KBTBD12: variants seen among roughly 807,000 people sequenced by gnomAD.
KBTBD12 encodes kelch repeat and BTB domain containing 12.
In KBTBD12, 53 loss-of-function variants were observed where a neutral mutation model predicts 58.7. The ratio of observed to expected loss-of-function variants is 0.90; its 90% CI spans 0.72 to 1.14. The LOEUF (loss-of-function observed/expected upper bound fraction) is 1.14. KBTBD12 is among the 50% of genes most tolerant of loss of function. KBTBD12 has a pLI of 0.00. For synonymous variants in KBTBD12, 236 were observed against 259.8 expected (o/e 0.91, Z 0.88); for missense variants, 704 against 751.3 (o/e 0.94, Z 0.74).
intron 5 of KBTBD12, among the ~76,000 whole-genome samples, chr3:127,965,178 T>C (rs1940539121): frequency 6.6e-6 from 1 of 152,264 alleles, no homozygotes. Context: ...GAAGACATTC[T>C]GTTTTGTCTT....
At chr3:127,974,037 C>T (rs1473551460) in intron 5 of KBTBD12, among the ~76,000 whole-genome samples, 2 of 152,028 alleles carry the variant, frequency 1.3e-5, no homozygotes, top group Non-Finnish European at 2.9e-5. Flanking sequence ...TACCATATAC[C>T]CATACATACA....
At chr3:127,934,149 T>C (rs960548586) in intron 4 of KBTBD12, among the ~76,000 whole-genome samples, 1 of 152,132 alleles carries the variant, frequency 6.6e-6, no homozygotes, top group Non-Finnish European at 1.5e-5. Flanking sequence ...GGCAAAGTCT[T>C]CAAAGTGACT....
chr3:127,951,611 A>G (rs904616682), intron 4 of KBTBD12, among the ~76,000 whole-genome samples: 1 of 152,132 alleles, frequency 6.6e-6, no homozygotes, highest in Non-Finnish European at 1.5e-5. Flanking sequence ...ATGGCTCGGG[A>G]ACAATTAGTC....
At chr3:127,977,661 A>G (rs1940805351) in intron 5 of KBTBD12, among the ~76,000 whole-genome samples, 1 of 152,118 alleles carries the variant, frequency 6.6e-6, no homozygotes, top group African/African-American at 2.4e-5. Context: ...TCCTTTGCCC[A>G]CTTTTTAATG....
chr3:127,984,316 C>G lies in KBTBD12; in HGVS notation c.*38C>G. ...GGAGGACCTCCTGCTGTTCTGCAAACAAGGCCTTCAGAACGGAGAGGGCCC... is the reference window on the plus strand; with the variant it reads ...GGAGGACCTCCTGCTGTTCTGCAAAGAAGGCCTTCAGAACGGAGAGGGCCC... On this transcript the variant is annotated 3_prime_UTR_variant, in exon 6 of 6. Coordinates refer to ENST00000405109, the MANE Select transcript of KBTBD12 (RefSeq NM_207335.4). 1 of 1,582,050 alleles carries G rather than the reference C, an allele frequency of 6.3e-7. No individual in the cohort carries two copies.
intron 4 of KBTBD12, among the ~76,000 whole-genome samples, chr3:127,934,712 T>C (rs1013357398): frequency 6.6e-6 from 1 of 152,016 alleles, no homozygotes; most frequent in Admixed American, 6.6e-5. Flanking sequence ...ACTTAACAGA[T>C]GAGACTTACC....
intron 4 of KBTBD12, among the ~76,000 whole-genome samples, chr3:127,934,998 A>G (rs923497583): frequency 2.0e-5 from 3 of 152,186 alleles, no homozygotes; most frequent in African/African-American, 7.2e-5. Flanking sequence ...AATGGTAAAT[A>G]TATAAGGAAA....
intron 5 of KBTBD12, among the ~76,000 whole-genome samples, chr3:127,965,621 A>G (rs1430407708): frequency 6.6e-6 from 1 of 152,248 alleles, no homozygotes; most frequent in Non-Finnish European, 1.5e-5. Flanking sequence ...ACATTGAAAT[A>G]TATTGTGAAC....
chr3:127,986,340 G>A lies in KBTBD12; in HGVS notation c.*2062G>A, dbSNP rs1576400898. 1 of 152,696 alleles carries A rather than the reference G, an allele frequency of 6.5e-6. No individual in the cohort carries two copies. Among genetic ancestry groups the A allele is most frequent in the Non-Finnish European group, 1.5e-5 (1 of 68,032 alleles). 9.5% of individuals were successfully genotyped at this position (152,696 alleles called of 1,614,324 possible). ...CTGAGCAAAGTGCCTGTGAAATCCT[G>A]AAATAATAAGCATGTTTTAGCTGCC... On this transcript the variant is annotated 3_prime_UTR_variant, in exon 6 of 6. Transcript: ENST00000405109.
intron 1 of KBTBD12, 63 bp downstream of exon 1, chr3:127,915,649 G>A (rs980204286): frequency 2.0e-5 from 3 of 152,214 alleles, no homozygotes; most frequent in Non-Finnish European, 4.4e-5. Flanking sequence ...CTCAACTCCG[G>A]GCCAGGTTGA....
intron 1 of KBTBD12, among the ~76,000 whole-genome samples, chr3:127,919,430 A>G (rs976073205): frequency 1.6e-4 from 25 of 152,288 alleles, no homozygotes; most frequent in Admixed American, 1.4e-3. Flanking sequence ...GGGTTTCACC[A>G]TGTTGGTCAG....
chr3:127,938,026 C>A (rs146231290), intron 4 of KBTBD12, among the ~76,000 whole-genome samples: 1 of 152,144 alleles, frequency 6.6e-6, no homozygotes, highest in Non-Finnish European at 1.5e-5. Context: ...AGACCACCAG[C>A]AGACCACCAT....
At chr3:127,983,024 C>T (rs1206202612) in intron 5 of KBTBD12, among the ~76,000 whole-genome samples, 1 of 152,244 alleles carries the variant, frequency 6.6e-6, no homozygotes, top group Non-Finnish European at 1.5e-5. Context: ...ATGACTCCAG[C>T]CGTGCCTCCT....
intron 1 of KBTBD12, among the ~76,000 whole-genome samples, chr3:127,919,419 G>A (rs1353707815): frequency 1.3e-5 from 2 of 152,124 alleles, no homozygotes; most frequent in East Asian, 1.9e-4. Flanking sequence ...TAGTAGAGAC[G>A]GGGTTTCACC....
rs552389803 is a variant in KBTBD12 at position 127,936,722 on chromosome 3, A to G, written c.1492+6439A>G. ...CAAAATTACTCAAGGTGGGAAATCT[A>G]ATTAGAGTTACTATGGACATAAAGC... is the stretch of plus-strand genomic sequence containing the variant. On this transcript the variant is annotated intron_variant, in intron 4 of 5. Transcript: ENST00000405109. Among the ~76,000 whole-genome samples the G allele has an allele frequency of 1.5e-3, 232 of 152,258 alleles. 1 individual carries two copies. The highest frequency in any genetic ancestry group is 6.1e-3 in the Admixed American group (94 of 15,290).
At chr3:127,924,580 C>G (rs372075723) in intron 2 of KBTBD12, among the ~76,000 whole-genome samples, 24 of 151,834 alleles carry the variant, frequency 1.6e-4, no homozygotes, top group South Asian at 8.3e-4. Context: ...TTTTAAAGAT[C>G]TTAATATAAC....
Position 127,930,155 on chromosome 3 carries a change from C to G in KBTBD12, c.1364C>G (p.Pro455Arg), listed in dbSNP as rs1314333083. ...CAGATGGATCTTCCTGATGAAGAAC[C>G]TGATCGATTAAGCAACAAACTGTTG... ...TPQMDLPDEE[P>R]DRLSNKLLQY... The change falls in exon 4 of 6, where the codon CCT (proline) becomes CGT (arginine). Residue 455 changes from proline (P) to arginine (R), a missense_variant. By Grantham distance (103) the Pro-to-Arg change is moderately radical (BLOSUM62 -2). Coordinates refer to ENST00000405109, the MANE Select transcript of KBTBD12 (RefSeq NM_207335.4). 1 of 1,592,312 alleles carries G rather than the reference C, an allele frequency of 6.3e-7. No homozygotes were observed. Among genetic ancestry groups the G allele is most frequent in the African/African-American group, 1.3e-5 (1 of 74,550 alleles).
intron 5 of KBTBD12, among the ~76,000 whole-genome samples, chr3:127,974,436 G>T (rs1241519736): frequency 6.6e-6 from 1 of 151,972 alleles, no homozygotes; most frequent in Non-Finnish European, 1.5e-5. Flanking sequence ...TGAGGGCATT[G>T]CTCTCCCTAG....
At chr3:127,930,750 C>T (rs963661358) in intron 4 of KBTBD12, among the ~76,000 whole-genome samples, 2 of 152,160 alleles carry the variant, frequency 1.3e-5, no homozygotes, top group African/African-American at 4.8e-5. Context: ...AAACAATTTT[C>T]ATTTGAATGC....
Sources: gnomAD v4.1 joint callset for allele counts (sites outside exome capture counted in the v4.1 genomes callset) on GRCh38, gnomAD v4.1.1 for gene constraint, MANE v1.5 for transcripts, NCBI Gene and HGNC (gene_info 2026-07-23, HGNC 2026-07-21) for gene names.